Variants in ZDHHC8 observed in about 807,000 individuals in gnomAD.
ZDHHC8 encodes the protein zDHHC palmitoyltransferase 8.
In ZDHHC8, 24 loss-of-function variants were observed where a neutral mutation model predicts 61.2. The ratio of observed to expected loss-of-function variants is 0.39; its 90% CI spans 0.28 to 0.55. The LOEUF is 0.55. Ranked by LOEUF, ZDHHC8 falls within the 20% of genes least tolerant of loss-of-function variation. The pLI, the probability that ZDHHC8 is intolerant of heterozygous loss-of-function variation, is 0.60. For missense variants in ZDHHC8, 935 were observed against 1,102.1 expected (o/e 0.85, Z 2.15); for synonymous variants, 523 against 492.5 (o/e 1.06, Z -0.82).
rs939741589 is a variant in ZDHHC8, at chr22:20,146,029, C to T, written c.*629C>T. The T allele has an allele frequency of 5.8e-5, 57 of 985,958 alleles. No individual in the cohort carries two copies. Among genetic ancestry groups the T allele is most frequent in the Non-Finnish European group, 6.5e-5 (54 of 830,218 alleles). 61.1% of individuals were successfully genotyped at this position (985,958 alleles called of 1,614,324 possible). ...GCCGGGGGCCCGGCTCCATGTGTCC[C>T]GTGTCTGTGTGCTGTGCTGCCGCGC... On this transcript the variant is annotated 3_prime_UTR_variant, in exon 11 of 11. Coordinates refer to ENST00000334554, the MANE Select transcript of ZDHHC8 (RefSeq NM_013373.4).
chr22:20,134,221 C>T (rs2050401884), intron 1 of ZDHHC8, among the ~76,000 whole-genome samples: 1 of 152,224 alleles, frequency 6.6e-6, no homozygotes, highest in Non-Finnish European at 1.5e-5. Context: ...GCAGTGGCCA[C>T]CTAGCAAGGC....
chr22:20,143,207 G>T lies in ZDHHC8; in HGVS notation c.1577G>T (p.Ser526Ile), dbSNP rs1175244667. 6.2e-7 allele frequency: 1 copy of T among 1,608,712 alleles called. No individual in the cohort carries two copies. The highest frequency in any genetic ancestry group is 1.7e-4 in the Middle Eastern group (1 of 6,058). ...DPPRPLPRSF[S>I]PVLGPRPREP... is the part of the protein sequence containing the mutation. ...CCACGGCCCCTACCCCGCAGCTTCA[G>T]CCCCGTGCTGGGCCCCCGCCCCCGG... Residue 526 changes from serine (S) to isoleucine (I), a missense_variant, in exon 10 of 11, where the codon AGC becomes ATC. Physicochemically the swap from Ser to Ile is moderately radical, Grantham distance 142. This residue lies in a region of ZDHHC8 where 692 missense variants were observed against 731.4 expected (regional missense o/e 0.95). Transcript: ENST00000334554.
In ZDHHC8 at chr22:20,141,422, G is replaced by A. The variant is rs1481394422; in HGVS notation, c.1017G>A (p.Glu339=). The A allele has an allele frequency of 4.3e-6, 7 of 1,612,992 alleles. No individual in the cohort carries two copies. Among genetic ancestry groups the A allele is most frequent in the Non-Finnish European group, 5.9e-6 (7 of 1,179,836 alleles). ...DLQTPRPGSA[E]SALSVQRTSP... is the part of the protein sequence containing the mutation. ...TCTGACAGTGGTCTGCATCCCCAGA[G>A]AGTGCCCTGTCGGTGCAGAGGACCA... Residue 339 remains glutamate (E), a splice_region_variant and synonymous_variant, in exon 9 of 11, where the codon GAG becomes GAA. Transcript: ENST00000334554.
chr22:20,135,084 C>T (rs556268631), intron 1 of ZDHHC8, among the ~76,000 whole-genome samples: 2 of 152,024 alleles, frequency 1.3e-5, no homozygotes, highest in South Asian at 4.2e-4. Flanking sequence ...GGTGGGCACC[C>T]TCACACCTGG....
rs1183431523 is a variant in ZDHHC8 at position 20,145,581 on chromosome 22, A to G, written c.*181A>G. The G allele has an allele frequency of 9.5e-6, 12 of 1,263,288 alleles. No individual in the cohort carries two copies. The highest frequency in any genetic ancestry group is 6.1e-4 in the Middle Eastern group (2 of 3,304). 78.3% of individuals were successfully genotyped at this position (1,263,288 alleles called of 1,614,324 possible). On this transcript the variant is annotated 3_prime_UTR_variant, in exon 11 of 11. Coordinates refer to ENST00000334554, the MANE Select transcript of ZDHHC8 (RefSeq NM_013373.4). ...CCCCAAGCGCTCTGCCTGCCCGTCC[A>G]CTCATCTGCCCATGGGGAAGTCGGC...
At chr22:20,145,178 G>A (rs372026049) in intron 10 of ZDHHC8, 51 bp from the exon 11 acceptor site, 117 of 1,368,218 alleles carry the variant, frequency 8.6e-5, no homozygotes, top group Non-Finnish European at 1.1e-4. Flanking sequence ...CTCTGTCCCC[G>A]TGTTCGTGTG....
intron 10 of ZDHHC8, 85 bp from the exon 11 acceptor site, chr22:20,145,144 C>A: frequency 7.9e-7 from 1 of 1,260,308 alleles, no homozygotes; most frequent in Non-Finnish European, 1.1e-6. Context: ...TCCGCGTCGT[C>A]TCTGTCTTGC....
rs1220310429 is a variant in ZDHHC8 at position 20,146,617 on chromosome 22, C to T, written c.*1217C>T. On this transcript the variant is annotated 3_prime_UTR_variant, in exon 11 of 11. Coordinates refer to ENST00000334554, the MANE Select transcript of ZDHHC8 (RefSeq NM_013373.4). ...CTGCCGACTTGGGCTGAGTCAGAGG[C>T]TTGGGAAGAGGGGGCGGCCGATGGT... The T allele has an allele frequency of 1.0e-6, 1 of 1,000,580 alleles. No individual in the cohort carries two copies. Among genetic ancestry groups the T allele is most frequent in the African/African-American group, 1.7e-5 (1 of 57,764 alleles). The allele number at this position is 1,000,580 out of a possible 1,614,324, so 62.0% of individuals were successfully genotyped here.
At position 20,146,122 on chromosome 22, in the gene ZDHHC8, G is replaced by T; in HGVS notation, c.*722G>T. 2.0e-6 allele frequency: 2 copies of T among 985,780 alleles called. No homozygotes were observed. The allele number at this position is 985,780 out of a possible 1,614,324, so 61.1% of individuals were successfully genotyped here. On this transcript the variant is annotated 3_prime_UTR_variant, in exon 11 of 11. Coordinates refer to ENST00000334554, the MANE Select transcript of ZDHHC8 (RefSeq NM_013373.4). Reference sequence around the variant, plus strand: ...ATCAAAGCCTTAACCTTTGCTTTATGCTCTTGTGGGAGGCGACGGGGGGGC... The same window carrying T: ...ATCAAAGCCTTAACCTTTGCTTTATTCTCTTGTGGGAGGCGACGGGGGGGC...
chr22:20,142,128 C>A (rs970327541), intron 9 of ZDHHC8, among the ~76,000 whole-genome samples: 3 of 152,104 alleles, frequency 2.0e-5, no homozygotes, highest in Admixed American at 1.3e-4. Flanking sequence ...TAGACCAGCC[C>A]CATCCCCAGG....
At chr22:20,136,116 G>C (rs2050417900) in intron 1 of ZDHHC8, among the ~76,000 whole-genome samples, 1 of 152,172 alleles carries the variant, frequency 6.6e-6, no homozygotes. Context: ...GGGCCCCCTG[G>C]ACCTGCCCTC....
Position 20,142,972 on chromosome 22 carries a change from C to T in ZDHHC8, c.1342C>T (p.Leu448=). 1 of 1,603,558 alleles carries T rather than the reference C, an allele frequency of 6.2e-7. No individual in the cohort carries two copies. The highest frequency in any genetic ancestry group is 1.3e-5 in the African/African-American group (1 of 74,864). The change falls in exon 10 of 11, where the codon CTG becomes TTG. Residue 448 remains leucine, a synonymous_variant. Transcript: ENST00000334554. Reference sequence around the variant, plus strand: ...CCGGCGGGGCGGGGATCATGTGGCCCTGCAGCCCCTGCGCTCTGAGGGGGG... The same window carrying T: ...CCGGCGGGGCGGGGATCATGTGGCCTTGCAGCCCCTGCGCTCTGAGGGGGG... ...SSRRGGDHVA[L]QPLRSEGGPP... is the part of the protein sequence containing the mutation.
At chr22:20,144,291 G>A (rs531690609) in intron 10 of ZDHHC8, among the ~76,000 whole-genome samples, 1 of 152,198 alleles carries the variant, frequency 6.6e-6, no homozygotes, top group Non-Finnish European at 1.5e-5. Flanking sequence ...CTGCTCGTAG[G>A]TGGGGAAGCT....
chr22:20,139,936 C>T (rs2050453292), intron 4 of ZDHHC8, 44 bp downstream of exon 4: 1 of 1,601,890 alleles, frequency 6.2e-7, no homozygotes, highest in Admixed American at 1.7e-5. Flanking sequence ...GCGATGTGGA[C>T]CGGGGACACG....
chr22:20,135,875 A>C (rs1374934600), intron 1 of ZDHHC8, among the ~76,000 whole-genome samples: 5 of 152,266 alleles, frequency 3.3e-5, no homozygotes, highest in Admixed American at 1.3e-4. Context: ...AGTGCCACTC[A>C]TACACAAACA....
In ZDHHC8 at chr22:20,141,284, T is replaced by C; in HGVS notation, c.962T>C (p.Ile321Thr). 6.2e-7 allele frequency: 1 copy of C among 1,612,828 alleles called. No individual in the cohort carries two copies. The highest frequency in any genetic ancestry group is 8.5e-7 in the Non-Finnish European group (1 of 1,179,940). The change falls in exon 8 of 11, where the codon ATA becomes ACA. Residue 321 changes from isoleucine (I) to threonine (T), a missense_variant. By Grantham distance (89) the Ile-to-Thr change is moderately conservative. Coordinates refer to ENST00000334554, the MANE Select transcript of ZDHHC8 (RefSeq NM_013373.4). ...LDLGPPLPPK[I>T]EAGTFSSDLQ... ...TTGGGGCCACCACTGCCCCCCAAGA[T>C]AGAGGCTGGCACGTTCAGCAGTGAC...
Position 20,145,308 on chromosome 22 carries a change from G to A in ZDHHC8, c.2206G>A (p.Gly736Ser), listed in dbSNP as rs749174943. The change falls in exon 11 of 11, where the codon GGC (glycine) becomes AGC (serine). Residue 736 changes from glycine to serine, a missense_variant. Gly to Ser is a moderately conservative substitution (Grantham distance 56). Around this residue, in one of 3 missense-constraint regions of ZDHHC8, gnomAD observed 692 missense variants for 731.4 expected, o/e 0.95. Transcript: ENST00000334554. ...CCTGGCCCGGCTGGGACCTGCCACCGGCCCCCCAGGGCCCTCTGCCAGCCC... is the reference window on the plus strand; with the variant it reads ...CCTGGCCCGGCTGGGACCTGCCACCAGCCCCCCAGGGCCCTCTGCCAGCCC... ...PGLARLGPAT[G>S]PPGPSASPTR... 3 of 1,592,410 alleles carry A rather than the reference G, an allele frequency of 1.9e-6. No individual in the cohort carries two copies. The highest frequency in any genetic ancestry group is 1.4e-5 in the African/African-American group (1 of 73,800).
At chr22:20,135,943 C>G (rs2050416088) in intron 1 of ZDHHC8, among the ~76,000 whole-genome samples, 1 of 152,274 alleles carries the variant, frequency 6.6e-6, no homozygotes, top group South Asian at 2.1e-4. Flanking sequence ...TTCCATTCCA[C>G]ATTTAGCTGT....
chr22:20,137,848 G>C (rs2050434489), intron 1 of ZDHHC8, among the ~76,000 whole-genome samples: 1 of 152,216 alleles, frequency 6.6e-6, no homozygotes, highest in South Asian at 2.1e-4. Flanking sequence ...TGGGGGCTGA[G>C]CCACTGGGCA....
Sources: allele counts gnomAD v4.1 joint callset (sites outside exome capture counted in the v4.1 genomes callset), GRCh38; gene constraint gnomAD v4.1.1; regional missense constraint gnomAD v4.1.1; transcripts MANE v1.5; gene names NCBI Gene and HGNC (gene_info 2026-07-23, HGNC 2026-07-21).